The following UBR3 variants were observed in gnomAD, a reference collection of about 807,000 sequenced individuals.
UBR3 encodes E3 ubiquitin-protein ligase UBR3.
UBR3 carries 85 observed loss-of-function variants against 243.2 expected under a neutral mutation model. That is an observed-to-expected ratio of 0.35 (90% CI 0.29 to 0.42). UBR3 has a LOEUF of 0.42. Ranked by LOEUF, UBR3 falls within the 10% of genes least tolerant of loss-of-function variation. UBR3 has a pLI of 1.00. For missense variants in UBR3, 1,686 were observed against 2,300.8 expected (o/e 0.73, Z 5.47); for synonymous variants, 748 against 799.8 (o/e 0.94, Z 1.09).
At chr2:169,959,616 A>G (rs2087472068) in intron 24 of UBR3, among the ~76,000 whole-genome samples, 1 of 152,266 alleles carries the variant, frequency 6.6e-6, no homozygotes, top group East Asian at 1.9e-4. Context: ...GGAGTTTACT[A>G]GGGAGAATTG....
chr2:169,856,518 G>A (rs1353307587), intron 1 of UBR3, among the ~76,000 whole-genome samples: 1 of 152,096 alleles, frequency 6.6e-6, no homozygotes, highest in Non-Finnish European at 1.5e-5. Flanking sequence ...CCGAGATCAC[G>A]CCACTGCACT....
intron 1 of UBR3, among the ~76,000 whole-genome samples, chr2:169,852,868 A>C (rs914531077): frequency 2.5e-4 from 37 of 145,608 alleles, no homozygotes; most frequent in African/African-American, 7.9e-4. Context: ...AAAAAAAAAA[A>C]AAAAAAAAAA....
intron 26 of UBR3, among the ~76,000 whole-genome samples, chr2:170,000,529 T>A (rs1442176716): frequency 6.6e-6 from 1 of 152,252 alleles, no homozygotes; most frequent in Non-Finnish European, 1.5e-5. Flanking sequence ...CTTGGCTTTC[T>A]GACTTGGTGA....
At chr2:170,076,333 C>T (rs1363456396) in intron 36 of UBR3, among the ~76,000 whole-genome samples, 1 of 152,252 alleles carries the variant, frequency 6.6e-6, no homozygotes, top group South Asian at 2.1e-4. Flanking sequence ...CTGCCTGGCT[C>T]ATACACACCC....
intron 35 of UBR3, among the ~76,000 whole-genome samples, chr2:170,067,604 G>T (rs760727198): frequency 1.8e-4 from 27 of 152,086 alleles, no homozygotes; most frequent in Non-Finnish European, 3.5e-4. Context: ...TAAACCATGT[G>T]TCAAGCCGTA....
chr2:169,979,623 T>A (rs1267201560), intron 24 of UBR3, among the ~76,000 whole-genome samples: 1 of 152,194 alleles, frequency 6.6e-6, no homozygotes, highest in African/African-American at 2.4e-5. Flanking sequence ...CTTAAATACA[T>A]ACCGCTTAGT....
At chr2:169,861,563 C>T (rs1228669121) in intron 1 of UBR3, among the ~76,000 whole-genome samples, 14 of 148,996 alleles carry the variant, frequency 9.4e-5, no homozygotes, top group East Asian at 5.9e-4. Flanking sequence ...GCCGAGATCG[C>T]GCCACTGCAC....
At chr2:170,020,440 T>C (rs2090359703) in intron 30 of UBR3, among the ~76,000 whole-genome samples, 1 of 152,184 alleles carries the variant, frequency 6.6e-6, no homozygotes, top group African/African-American at 2.4e-5. Flanking sequence ...TGTGGTGGAA[T>C]AGACAACAGC....
intron 23 of UBR3, among the ~76,000 whole-genome samples, chr2:169,953,087 G>A (rs1315145664): frequency 1.3e-5 from 2 of 152,130 alleles, no homozygotes; most frequent in African/African-American, 4.8e-5. Flanking sequence ...CTAATAATGT[G>A]ATACTGGAGG....
chr2:169,838,390 TGTG>T (rs1559002049), intron 1 of UBR3, among the ~76,000 whole-genome samples: 4 of 2,430 alleles, frequency 1.6e-3, no homozygotes, highest in Non-Finnish European at 4.3e-3. Context: ...AAGGCATTTG[TGTG>T]TGTGTGTGTG....
chr2:170,077,980 G>A (rs2091845367), intron 36 of UBR3: 7 of 616,570 alleles, frequency 1.1e-5, no homozygotes, highest in African/African-American at 1.9e-5. Context: ...TTTTCATTTC[G>A]GCTTAATCAT....
intron 26 of UBR3, among the ~76,000 whole-genome samples, chr2:169,996,188 CAAG>C (rs1345012371): frequency 1.1e-3 from 169 of 152,232 alleles, no homozygotes; most frequent in Non-Finnish European, 1.0e-4. Context: ...GCTAGGCTGA[CAAG>C]AAGGTTTCTG....
At chr2:169,979,222 A>G (rs2088606360) in intron 24 of UBR3, among the ~76,000 whole-genome samples, 1 of 152,202 alleles carries the variant, frequency 6.6e-6, no homozygotes, top group Admixed American at 6.5e-5. Flanking sequence ...CTACATGGCT[A>G]TGGCGAAATC....
chr2:170,010,756 A>G (rs1045616957), intron 29 of UBR3, among the ~76,000 whole-genome samples: 1 of 152,226 alleles, frequency 6.6e-6, no homozygotes, highest in Non-Finnish European at 1.5e-5. Flanking sequence ...AATTCTGAAA[A>G]TGAGTGTATA....
intron 26 of UBR3, among the ~76,000 whole-genome samples, chr2:169,999,154 C>T (rs1255737190): frequency 1.3e-5 from 2 of 152,116 alleles, no homozygotes; most frequent in East Asian, 1.9e-4. Flanking sequence ...AGATTAATTG[C>T]CTTTTTGTAG....
rs185726755 is a variant in UBR3, at chr2:169,998,538, G to A, written c.3919-2766G>A. On this transcript the variant is annotated intron_variant, in intron 26 of 38. Transcript: ENST00000272793. ...GGGCTATGCCTCATGTTGATTCAGG[G>A]GCTAGCACATGCTATGTGTGTTGTA... Among the ~76,000 whole-genome samples the A allele has an allele frequency of 1.9e-3, 282 of 152,230 alleles. 4 individuals carry two copies. The highest frequency in any genetic ancestry group is 7.7e-4 in the East Asian group (4 of 5,182).
chr2:169,860,499 A>G (rs1386266611), intron 1 of UBR3, among the ~76,000 whole-genome samples: 1 of 152,186 alleles, frequency 6.6e-6, no homozygotes, highest in Non-Finnish European at 1.5e-5. Flanking sequence ...TGTTGGGAAC[A>G]TGAACTAATT....
intron 33 of UBR3, among the ~76,000 whole-genome samples, chr2:170,057,738 GAGAC>G (rs1176720408): frequency 6.6e-6 from 1 of 152,038 alleles, no homozygotes; most frequent in African/African-American, 2.4e-5. Flanking sequence ...TACTTTATAT[GAGAC>G]AGATTCTTAT....
intron 27 of UBR3, among the ~76,000 whole-genome samples, chr2:170,004,512 G>A (rs2089835262): frequency 1.3e-5 from 2 of 152,152 alleles, no homozygotes; most frequent in South Asian, 4.1e-4. Flanking sequence ...GAGTTGCCAT[G>A]AGTCTCTTCT....
Sources: allele counts gnomAD v4.1 joint callset (sites outside exome capture counted in the v4.1 genomes callset), GRCh38; gene constraint gnomAD v4.1.1; transcripts MANE v1.5; gene names NCBI Gene and HGNC (gene_info 2026-07-23, HGNC 2026-07-21).